The following ABCB1 variants were observed in gnomAD, a reference collection of about 807,000 sequenced individuals.
ABCB1 encodes ATP binding cassette subfamily B member 1, also known as ATP-dependent translocase ABCB1.
ABCB1 carries 69 observed loss-of-function variants against 142.0 expected under a neutral mutation model. The ratio of observed to expected loss-of-function variants is 0.49; its 90% confidence interval spans 0.40 to 0.59. The LOEUF (loss-of-function observed/expected upper bound fraction) is 0.59, where lower values mean the gene tolerates loss of function less well. Ranked by LOEUF, ABCB1 falls within the 20% of genes least tolerant of loss-of-function variation. The pLI is 0.00. For missense variants in ABCB1, 1,326 were observed against 1,554.7 expected, an observed-to-expected ratio of 0.85 and a Z score of 2.47; for synonymous variants, 532 against 539.2, an observed-to-expected ratio of 0.99 and a Z score of 0.18.
At chr7:87,521,889 T>C in intron 21 of ABCB1, 2 of 773,304 alleles carry the variant, frequency 2.6e-6, no homozygotes, top group Non-Finnish European at 4.7e-6. Context: ...AAGGCAGTGA[T>C]AAGAAAAGGG....
chr7:87,605,099 C>A (rs570678685), upstream of ABCB1, among the ~76,000 whole-genome samples: 56 of 152,236 alleles, frequency 3.7e-4, no homozygotes, highest in African/African-American at 1.3e-3. Flanking sequence ...CATTAGCGTG[C>A]CTTCAAAGAT....
intron 1 of ABCB1, among the ~76,000 whole-genome samples, chr7:87,674,224 C>G (rs112188226): frequency 6.6e-6 from 1 of 152,096 alleles, no homozygotes; most frequent in Non-Finnish European, 1.5e-5. Context: ...CGAGGTACAC[C>G]CTCATTGGCT....
chr7:87,562,854 C>T (rs560240957), intron 7 of ABCB1, among the ~76,000 whole-genome samples: 2 of 151,608 alleles, frequency 1.3e-5, no homozygotes, highest in African/African-American at 4.8e-5. Flanking sequence ...AGTCCCAGGA[C>T]TTTGGGGTGA....
intron 20 of ABCB1, among the ~76,000 whole-genome samples, chr7:87,533,939 C>T (rs550911196): frequency 6.6e-6 from 1 of 152,256 alleles, no homozygotes; most frequent in African/African-American, 2.4e-5. Flanking sequence ...AAGGTGAGTG[C>T]AGCCATCTTG....
In ABCB1 at chr7:87,504,051, G is replaced by A. The variant is rs957221054; in HGVS notation, c.*192C>T. On this transcript the variant is annotated 3_prime_UTR_variant, in exon 28 of 28. Coordinates refer to ENST00000622132, the MANE Select transcript of ABCB1 (RefSeq NM_001348946.2). ...AAATTTATAATGCAGTTTAAACTAT[G>A]ATTTCTCTCCACTTGATGATGTCTC... 7 of 654,004 alleles carry A rather than the reference G, an allele frequency of 1.1e-5. No individual in the cohort carries two copies. In the Admixed American group the frequency reaches 1.4e-4, roughly 13 times the overall value. 40.5% of individuals were successfully genotyped at this position (654,004 alleles called of 1,614,324 possible). A position where few individuals can be genotyped will look rare whatever the true frequency, so the allele number is the denominator to read the frequency against.
chr7:87,709,180 G>C, intron 1 of ABCB1: 1 of 871,466 alleles, frequency 1.1e-6, no homozygotes, highest in South Asian at 5.2e-5. Flanking sequence ...AGTTTTGTAT[G>C]GATTGAAATT....
chr7:87,521,735 C>T (rs1375188337), intron 21 of ABCB1: 3 of 947,234 alleles, frequency 3.2e-6, no homozygotes, highest in South Asian at 1.3e-5. Flanking sequence ...AGAGCTGTCT[C>T]AAGAGAAGAT....
intron 9 of ABCB1, among the ~76,000 whole-genome samples, chr7:87,552,711 G>A (rs1238084342): frequency 2.2e-4 from 31 of 141,344 alleles, no homozygotes; most frequent in African/African-American, 3.5e-4. Context: ...AGGCAAATTT[G>A]AAAAAAAAAG....
Position 87,541,393 on chromosome 7 carries a change from G to T in ABCB1, c.2283C>A (p.Ala761=). ...ATGTAATAAAAGAAATAATTCCAAG[G>T]GCTAGAAACAATAGTGAAAACAAGT... is the stretch of plus-strand genomic sequence containing the variant. ...NSNLFSLLFL[A]LGIISFITFF... Residue 761 remains alanine, a synonymous_variant, in exon 18 of 28, where the codon GCC becomes GCA. Transcript: ENST00000622132. 6.2e-7 allele frequency: 1 copy of T among 1,603,962 alleles called. No individual in the cohort carries two copies. Among genetic ancestry groups the T allele is most frequent in the Non-Finnish European group, 8.5e-7 (1 of 1,170,922 alleles).
chr7:87,670,567 G>C (rs1825723861), intron 1 of ABCB1, among the ~76,000 whole-genome samples: 1 of 152,172 alleles, frequency 6.6e-6, no homozygotes, highest in African/African-American at 2.4e-5. Context: ...TGAGTTACTG[G>C]AGCTCTTGCA....
chr7:87,664,665 A>G lies in ABCB1; in HGVS notation c.-331+48496T>C, dbSNP rs556990732. 7.9e-5 allele frequency among the ~76,000 whole-genome samples: 12 copies of G among 152,292 alleles called. No homozygotes were observed. The East Asian group carries it at 2.3e-3, about 29-fold the overall frequency. On this transcript the variant is annotated intron_variant, in intron 1 of 28. Coordinates refer to the ABCB1 transcript ENST00000265724. The stretch of plus-strand genomic sequence containing the variant: ...CAGAATGGAGATGATAGAGGTGCGT[A>G]TATGAATTTCAAAGTAAATCAATAG...
At chr7:87,581,082 C>A (rs1364232159) in intron 4 of ABCB1, among the ~76,000 whole-genome samples, 1 of 151,864 alleles carries the variant, frequency 6.6e-6, no homozygotes, top group Non-Finnish European at 1.5e-5. Flanking sequence ...TTTTGTTTGG[C>A]TATCTTGTTC....
Position 87,626,753 on chromosome 7 carries a change from ATATATAT to A in ABCB1, c.-330-25682_-330-25676del, listed in dbSNP as rs1461672995. Among the ~76,000 whole-genome samples the A allele has an allele frequency of 1.2e-3, 60 of 48,500 alleles. 4 individuals carry two copies. The highest frequency in any genetic ancestry group is 3.7e-3 in the South Asian group (2 of 546). The allele number at this position is 48,500 out of a possible 152,430, so 31.8% of individuals were successfully genotyped here. ...CATATATATGTGTCATATATATGTC[ATATATAT>A]GTCATATATATGTCAGAGAGAGAGA... On this transcript the variant is annotated intron_variant, in intron 1 of 28. Coordinates refer to the ABCB1 transcript ENST00000265724.
rs556377828 is a variant in ABCB1 at position 87,507,930 on chromosome 7, C to T, written c.3489+1345G>A. On this transcript the variant is annotated intron_variant, in intron 26 of 27. Transcript: ENST00000622132. ...TTCTCACTTATAAGTGGCAGCTAAA[C>T]ATCAGGTACTCATAGATGAAAAGTG... Among the ~76,000 whole-genome samples the T allele has an allele frequency of 4.6e-5, 7 of 152,230 alleles. No homozygotes were observed. In the South Asian group the frequency reaches 1.5e-3, roughly 32 times the overall value.
intron 26 of ABCB1, among the ~76,000 whole-genome samples, chr7:87,508,231 CACCAACATGAT>C (rs1814837122): frequency 6.6e-6 from 1 of 152,158 alleles, no homozygotes; most frequent in African/African-American, 2.4e-5. Flanking sequence ...ACTTTTTGAG[CACCAACATGAT>C]GCCACAAGTG....
chr7:87,527,860 T>C (rs1815857733), intron 21 of ABCB1, among the ~76,000 whole-genome samples: 1 of 152,178 alleles, frequency 6.6e-6, no homozygotes, highest in African/African-American at 2.4e-5. Context: ...TTTAACACTA[T>C]GTATTAGTCT....
At chr7:87,532,840 C>A (rs1398234241) in intron 20 of ABCB1, among the ~76,000 whole-genome samples, 1 of 152,174 alleles carries the variant, frequency 6.6e-6, no homozygotes, top group African/African-American at 2.4e-5. Context: ...CAAGAACCCT[C>A]TTTCAAGGTC....
intron 21 of ABCB1, among the ~76,000 whole-genome samples, chr7:87,524,586 G>A (rs1815700071): frequency 6.6e-6 from 1 of 152,038 alleles, no homozygotes; most frequent in Non-Finnish European, 1.5e-5. Context: ...GCCTGTTGTG[G>A]GGTAGAGGGA....
chr7:87,605,206 G>A (rs575797212), upstream of ABCB1, among the ~76,000 whole-genome samples: 5 of 152,122 alleles, frequency 3.3e-5, no homozygotes, highest in African/African-American at 7.2e-5. Context: ...TAATCCAGGC[G>A]CACTGCAACC....
Sources: gnomAD v4.1 joint callset for allele counts (sites outside exome capture counted in the v4.1 genomes callset) on GRCh38, gnomAD v4.1.1 for gene constraint, MANE v1.5 for transcripts, NCBI Gene and HGNC (gene_info 2026-07-23, HGNC 2026-07-21) for gene names.